Variants in COL4A5 observed in about 807,000 individuals in gnomAD.
COL4A5 encodes collagen type IV alpha 5 chain, also known as collagen alpha-5(IV) chain.
In COL4A5, 26 loss-of-function variants were observed where a neutral mutation model predicts 130.2. The ratio of observed to expected loss-of-function variants is 0.20; its 90% CI spans 0.15 to 0.28. The LOEUF (loss-of-function observed/expected upper bound fraction) is 0.28, where lower values mean the gene tolerates loss of function less well. Ranked by LOEUF, COL4A5 falls within the 10% of genes least tolerant of loss-of-function variation. The pLI is 1.00. For synonymous variants in COL4A5, 496 were observed against 439.6 expected, an observed-to-expected ratio of 1.13 and a Z score of -1.60; for missense variants, 1,131 against 1,344.3, an observed-to-expected ratio of 0.84 and a Z score of 2.48.
intron 50 of COL4A5, among the ~76,000 whole-genome samples, chrX:108,693,368 T>C (rs2068667434): frequency 9.0e-6 from 1 of 111,509 alleles, no homozygotes; most frequent in Non-Finnish European, 1.9e-5. Context: ...AGGGGAAATA[T>C]ACACTAGGCA....
At chrX:108,631,259 T>C (rs767309086) in intron 36 of COL4A5, among the ~76,000 whole-genome samples, 1 of 112,057 alleles carries the variant, frequency 8.9e-6, no homozygotes, top group South Asian at 3.7e-4. Flanking sequence ...ATGGCCATTT[T>C]CACGATATTG....
intron 31 of COL4A5, 140 bp from the exon 32 acceptor site, chrX:108,621,663 G>A (rs1343881903): frequency 2.0e-6 from 1 of 498,388 alleles, no homozygotes; most frequent in African/African-American, 2.3e-5. Flanking sequence ...GCAGTAGTGG[G>A]CACTATGGTC....
chrX:108,694,841 G>T lies in COL4A5; in HGVS notation c.4741G>T (p.Ala1581Ser), dbSNP rs151130451. The change falls in exon 51 of 53, where the codon GCA becomes TCA. Residue 1581 changes from alanine (A) to serine (S), a missense_variant. Coordinates refer to ENST00000328300, the MANE Select transcript of COL4A5 (RefSeq NM_033380.3). ...AVCEAPAVVI[A>S]VHSQTIQIPH... ...ATGTGAAGCTCCAGCTGTGGTGATC[G>T]CAGTTCACAGTCAGACGATCCAGAT... is the stretch of plus-strand genomic sequence containing the variant. 3.4e-4 allele frequency: 408 copies of T among 1,207,523 alleles called. 1 individual carries two copies. The highest frequency in any genetic ancestry group is 4.4e-4 in the Non-Finnish European group (396 of 893,387).
intron 1 of COL4A5, among the ~76,000 whole-genome samples, chrX:108,446,430 T>G (rs189131665): frequency 4.3e-3 from 484 of 112,223 alleles, no homozygotes; most frequent in Non-Finnish European, 7.6e-3. Context: ...TATTATTTTA[T>G]TGCTACAGCC....
rs1036627080 is a variant in COL4A5 at position 108,620,329 on chromosome X, T to G, written c.2580T>G (p.Gly860=). ...PPGLDVPGPP[G]ERGSPGIPGA... is the part of the protein sequence containing the mutation. The stretch of plus-strand genomic sequence containing the variant: ...GACTTGATGTTCCAGGACCCCCAGG[T>G]GAAAGAGGCAGTCCAGGGATCCCCG... The change falls in exon 31 of 53, where the codon GGT becomes GGG. Residue 860 remains glycine, a synonymous_variant. Transcript: ENST00000328300. The G allele has an allele frequency of 5.0e-6, 6 of 1,206,610 alleles. No individual in the cohort carries two copies. In the African/African-American group the frequency reaches 1.1e-4, roughly 21 times the overall value.
intron 1 of COL4A5, among the ~76,000 whole-genome samples, chrX:108,480,557 A>G (rs1453411552): frequency 3.5e-5 from 4 of 113,178 alleles, no homozygotes; most frequent in Non-Finnish European, 5.6e-5. Flanking sequence ...GAGGTAGGAC[A>G]GTAAAGCTAT....
intron 8 of COL4A5, among the ~76,000 whole-genome samples, chrX:108,572,625 C>T (rs377296593): frequency 4.5e-5 from 5 of 111,673 alleles, no homozygotes; most frequent in African/African-American, 9.8e-5. Flanking sequence ...ACTGTTACCA[C>T]GTTAATCATA....
At chrX:108,658,226 C>G (rs1334595643) in intron 37 of COL4A5, among the ~76,000 whole-genome samples, 4 of 111,122 alleles carry the variant, frequency 3.6e-5, no homozygotes, top group Non-Finnish European at 7.6e-5. Flanking sequence ...TGTTTTTTCT[C>G]CTTTACTCTT....
At chrX:108,544,971 T>G (rs1443242497) in intron 2 of COL4A5, among the ~76,000 whole-genome samples, 1 of 111,956 alleles carries the variant, frequency 8.9e-6, no homozygotes, top group Non-Finnish European at 1.9e-5. Context: ...TTTATCATTT[T>G]TTATTGCATC....
chrX:108,531,950 C>A (rs931702126), intron 1 of COL4A5, among the ~76,000 whole-genome samples: 16 of 111,251 alleles, frequency 1.4e-4, no homozygotes, highest in Non-Finnish European at 3.8e-5. Context: ...AATAAAAATT[C>A]TCCCTACGAA....
intron 49 of COL4A5, among the ~76,000 whole-genome samples, chrX:108,688,167 T>G (rs1432757611): frequency 8.9e-6 from 1 of 112,149 alleles, no homozygotes; most frequent in African/African-American, 3.2e-5. Context: ...TTGTAGTTCC[T>G]AAAATAAGTG....
chrX:108,617,555 C>G (rs28675188), intron 30 of COL4A5, among the ~76,000 whole-genome samples: 11,676 of 111,109 alleles, frequency 0.11, 1,310 homozygotes, highest in African/African-American at 0.34. Context: ...TATCAGTTTC[C>G]CATTCCATAG....
chrX:108,477,967 A>C (rs1288047159), intron 1 of COL4A5, among the ~76,000 whole-genome samples: 1 of 111,158 alleles, frequency 9.0e-6, no homozygotes, highest in African/African-American at 3.3e-5. Flanking sequence ...GCAGCTTAGC[A>C]GGTCGTGGTT....
At chrX:108,688,618 G>A (rs1211575319) in intron 49 of COL4A5, among the ~76,000 whole-genome samples, 1 of 111,070 alleles carries the variant, frequency 9.0e-6, no homozygotes, top group Admixed American at 9.6e-5. Flanking sequence ...TGTATTTTTA[G>A]TAGAGACGGG....
chrX:108,614,149 G>A (rs2066884365), intron 29 of COL4A5, among the ~76,000 whole-genome samples: 2 of 112,025 alleles, frequency 1.8e-5, no homozygotes, highest in African/African-American at 6.5e-5. Context: ...ATTGTATTAA[G>A]TGAAAGAAGA....
In COL4A5 at chrX:108,603,902, C is replaced by A. The variant is rs1265681503; in HGVS notation, c.2244+841C>A. 3.6e-5 allele frequency among the ~76,000 whole-genome samples: 4 copies of A among 111,916 alleles called. No individual in the cohort carries two copies. The Admixed American group carries it at 3.8e-4, about 11-fold the overall frequency. On this transcript the variant is annotated intron_variant, in intron 28 of 52. Transcript: ENST00000328300. ...CCAGCATCTTCACCAGGGTAGATTC[C>A]ATCTCTAGAAATCACTTTTGCTCAT...
At chrX:108,683,273 C>T (rs1248308286) in intron 47 of COL4A5, among the ~76,000 whole-genome samples, 1 of 111,713 alleles carries the variant, frequency 9.0e-6, no homozygotes, top group African/African-American at 3.3e-5. Context: ...GTACCAGTAC[C>T]ATGCTGTTTT....
rs2064903500 is a variant in COL4A5, at chrX:108,482,637, T to TA, written c.81+42432dup. ...CCAATCAATGCCCTCACTTTAACAG[T>TA]AGCCACCTGGAGAGGCTGTGCATGC... On this transcript the variant is annotated intron_variant, in intron 1 of 52. Coordinates refer to ENST00000328300, the MANE Select transcript of COL4A5 (RefSeq NM_033380.3). Among the ~76,000 whole-genome samples, 4 of 111,780 alleles carry TA rather than the reference T, an allele frequency of 3.6e-5. No individual in the cohort carries two copies. In the South Asian group the frequency reaches 1.5e-3, roughly 42 times the overall value.
chrX:108,633,343 G>GT (rs1360391837), intron 36 of COL4A5, among the ~76,000 whole-genome samples: 1 of 110,879 alleles, frequency 9.0e-6, no homozygotes, highest in South Asian at 3.7e-4. Flanking sequence ...GATTTTCATG[G>GT]TTTTTTTCTG....
Sources: allele counts gnomAD v4.1 joint callset (sites outside exome capture counted in the v4.1 genomes callset), GRCh38; gene constraint gnomAD v4.1.1; transcripts MANE v1.5; gene names NCBI Gene and HGNC (gene_info 2026-07-23, HGNC 2026-07-21).